Variants in MAGI2 observed in about 807,000 individuals in gnomAD.
MAGI2 encodes membrane associated guanylate kinase, WW and PDZ domain containing 2, also known as membrane-associated guanylate kinase, WW and PDZ domain-containing protein 2.
In MAGI2, 35 loss-of-function variants were observed where a neutral mutation model predicts 133.3. The ratio of observed to expected loss-of-function variants is 0.26; its 90% CI spans 0.20 to 0.35. The LOEUF (loss-of-function observed/expected upper bound fraction) is 0.35, where lower values mean the gene tolerates loss of function less well. Among genes scored for constraint, MAGI2 ranks in the 10% least tolerant of loss-of-function variants. The pLI, the probability that MAGI2 is intolerant of heterozygous loss-of-function variation, is 1.00. For missense variants in MAGI2, 1,636 were observed against 1,863.4 expected (o/e 0.88, Z 2.25); for synonymous variants, 729 against 710.6 (o/e 1.03, Z -0.41).
At position 78,135,312 on chromosome 7, in the gene MAGI2, C is replaced by A; in HGVS notation, c.2846-106G>T. 3 of 951,940 alleles carry A rather than the reference C, an allele frequency of 3.2e-6. No homozygotes were observed. In the South Asian group the frequency reaches 4.7e-5, roughly 15 times the overall value. The allele number at this position is 951,940 out of a possible 1,614,324, so 59.0% of individuals were successfully genotyped here. A position where few individuals can be genotyped will look rare whatever the true frequency, so the allele number is the denominator to read the frequency against. On this transcript the variant is annotated intron_variant, in intron 16 of 21. Transcript: ENST00000354212. ...GAAATGTCAGAATTCCTTCCTTCGT[C>A]AGTGTATTTGCCTTTTGAAATCACA...
chr7:78,176,482 T>A (rs775702152), intron 14 of MAGI2, among the ~76,000 whole-genome samples: 12 of 152,040 alleles, frequency 7.9e-5, no homozygotes, highest in Non-Finnish European at 1.2e-4. Context: ...CTAGTTCAAC[T>A]CCTCCCGCAG....
At position 78,922,446 on chromosome 7, in the gene MAGI2, G is replaced by T. The variant is rs996719803; in HGVS notation, c.418+84644C>A. ...CTATGAGTGAGAACATGCGGTGTTT[G>T]GTTTTTTGTCCTTGCGATAGTTTAC... On this transcript the variant is annotated intron_variant, in intron 2 of 21. Coordinates refer to ENST00000354212, the MANE Select transcript of MAGI2 (RefSeq NM_012301.4). Among the ~76,000 whole-genome samples the T allele has an allele frequency of 3.3e-5, 5 of 150,734 alleles. No homozygotes were observed. The East Asian group carries it at 6.0e-4, about 18-fold the overall frequency.
chr7:78,441,669 GA>G (rs1326758076), intron 6 of MAGI2, among the ~76,000 whole-genome samples: 2 of 149,332 alleles, frequency 1.3e-5, no homozygotes, highest in South Asian at 4.2e-4. Context: ...AAAAAAGAAA[GA>G]AAAAAACTAC....
At chr7:78,842,870 CTT>C (rs34102759) in intron 2 of MAGI2, among the ~76,000 whole-genome samples, 13 of 151,310 alleles carry the variant, frequency 8.6e-5, no homozygotes, top group African/African-American at 1.5e-4. Context: ...CTAAGTATCA[CTT>C]TTTTTTTAAC....
chr7:78,461,399 T>TGC lies in MAGI2; in HGVS notation c.1045+28361_1045+28362insGC, dbSNP rs1789991028. The stretch of plus-strand genomic sequence containing the variant: ...TCCTGGACACGTGTGTGTGCGTGTG[T>TGC]GTGTGTGTGTGTGTGTGTGTGTGTG... On this transcript the variant is annotated intron_variant, in intron 6 of 21. Coordinates refer to ENST00000354212, the MANE Select transcript of MAGI2 (RefSeq NM_012301.4). Among the ~76,000 whole-genome samples, 3 of 100,204 alleles carry TGC rather than the reference T, an allele frequency of 3.0e-5. No homozygotes were observed. The East Asian group carries it at 7.7e-4, about 26-fold the overall frequency. The allele number at this position is 100,204 out of a possible 152,430, so 65.7% of individuals were successfully genotyped here.
chr7:78,763,779 T>A (rs1389768665), intron 2 of MAGI2, among the ~76,000 whole-genome samples: 1 of 152,200 alleles, frequency 6.6e-6, no homozygotes. Flanking sequence ...GCACCTAACC[T>A]AAAACCCAAC....
At chr7:79,074,774 G>C (rs1318103169) in intron 1 of MAGI2, among the ~76,000 whole-genome samples, 4 of 152,164 alleles carry the variant, frequency 2.6e-5, no homozygotes, top group African/African-American at 9.7e-5. Context: ...AAGCCAAACA[G>C]GAAATCTGAG....
At chr7:78,450,268 C>T (rs986553536) in intron 6 of MAGI2, among the ~76,000 whole-genome samples, 4 of 151,912 alleles carry the variant, frequency 2.6e-5, no homozygotes, top group African/African-American at 9.7e-5. Flanking sequence ...CCTTTCAATC[C>T]TGGGAATTCA....
At chr7:78,374,823 T>C (rs1794281733) in intron 6 of MAGI2, among the ~76,000 whole-genome samples, 2 of 151,936 alleles carry the variant, frequency 1.3e-5, no homozygotes, top group Admixed American at 6.6e-5. Flanking sequence ...TTTGCACTTA[T>C]ATTCTTCTTT....
At chr7:78,026,018 C>G (rs1808876405) in intron 21 of MAGI2, 1 of 152,542 alleles carries the variant, frequency 6.6e-6, no homozygotes, top group Non-Finnish European at 1.5e-5. Flanking sequence ...TCTTATATTC[C>G]ACTGTGGGAG....
At chr7:78,420,625 T>C (rs528123125) in intron 6 of MAGI2, among the ~76,000 whole-genome samples, 1 of 152,192 alleles carries the variant, frequency 6.6e-6, no homozygotes, top group Admixed American at 6.5e-5. Context: ...TTTCCAATTC[T>C]CTGGAAATGG....
At chr7:78,599,300 G>A (rs183899443) in intron 3 of MAGI2, among the ~76,000 whole-genome samples, 8 of 151,922 alleles carry the variant, frequency 5.3e-5, no homozygotes, top group East Asian at 3.9e-4. Flanking sequence ...TCTGTGCCTC[G>A]TATTAAAAAT....
chr7:78,345,797 T>C, intron 8 of MAGI2, 125 bp downstream of exon 8: 2 of 1,335,646 alleles, frequency 1.5e-6, no homozygotes, highest in South Asian at 2.8e-5. Flanking sequence ...CTAAAGCTAA[T>C]AGGAAGGTCT....
intron 1 of MAGI2, among the ~76,000 whole-genome samples, chr7:79,427,462 A>T (rs370713095): frequency 8.5e-5 from 13 of 152,190 alleles, no homozygotes; most frequent in African/African-American, 2.4e-4. Context: ...GTGATCTAAA[A>T]CAGACAAATA....
At chr7:78,670,508 A>G (rs1267394034) in intron 2 of MAGI2, among the ~76,000 whole-genome samples, 3 of 152,222 alleles carry the variant, frequency 2.0e-5, no homozygotes, top group Non-Finnish European at 4.4e-5. Flanking sequence ...AAGGTAATTT[A>G]TAGATTCAAT....
At chr7:78,864,408 T>C (rs1334821221) in intron 2 of MAGI2, among the ~76,000 whole-genome samples, 9 of 152,212 alleles carry the variant, frequency 5.9e-5, no homozygotes, top group Non-Finnish European at 1.2e-4. Context: ...TTTAAATATA[T>C]ATTGCCAAGC....
chr7:79,148,279 C>T (rs1397573900), intron 1 of MAGI2, among the ~76,000 whole-genome samples: 1 of 152,114 alleles, frequency 6.6e-6, no homozygotes, highest in Non-Finnish European at 1.5e-5. Context: ...CTTTGCTTCT[C>T]ACTGTTTAGA....
At chr7:78,718,235 T>C (rs577346738) in intron 2 of MAGI2, among the ~76,000 whole-genome samples, 1 of 152,270 alleles carries the variant, frequency 6.6e-6, no homozygotes, top group East Asian at 1.9e-4. Flanking sequence ...TAAATACCAT[T>C]GTATATGCTC....
intron 2 of MAGI2, among the ~76,000 whole-genome samples, chr7:78,955,700 CCTTTCTTTCTTTTTCTTTCTTTCT>C (rs1345092565): frequency 2.7e-4 from 15 of 55,238 alleles, no homozygotes; most frequent in African/African-American, 1.5e-3. Flanking sequence ...TTTCTCTCTC[CCTTTCTTTCTTTTTCTTTCTTTCT>C]CTTTCTTTCT....
Sources: gnomAD v4.1 joint callset for allele counts (sites outside exome capture counted in the v4.1 genomes callset) on GRCh38, gnomAD v4.1.1 for gene constraint, MANE v1.5 for transcripts, NCBI Gene and HGNC (gene_info 2026-07-23, HGNC 2026-07-21) for gene names.